The following NRXN3 variants were observed in gnomAD, a reference collection of about 807,000 sequenced individuals.
NRXN3 encodes the protein neurexin III.
A neutral mutation model predicts 137.6 loss-of-function variants in NRXN3; 32 were observed. That is an observed-to-expected ratio of 0.23 (90% CI 0.18 to 0.31). The LOEUF is 0.31. Among genes scored for constraint, NRXN3 ranks in the 10% least tolerant of loss-of-function variants. The pLI is 1.00. For missense variants in NRXN3, 1,574 were observed against 2,062.5 expected (o/e 0.76, Z 4.59); for synonymous variants, 798 against 784.5 (o/e 1.02, Z -0.29).
Position 78,377,629 on chromosome 14 carries a change from C to T in NRXN3, c.757+79769C>T, listed in dbSNP as rs76127329. 4.9e-3 allele frequency among the ~76,000 whole-genome samples: 746 copies of T among 152,250 alleles called. 4 individuals are homozygous for T. Among genetic ancestry groups the T allele is most frequent in the Admixed American group, 9.7e-3 (148 of 15,294 alleles). On this transcript the variant is annotated intron_variant, in intron 4 of 20. Coordinates refer to ENST00000335750, the MANE Select transcript of NRXN3 (RefSeq NM_001330195.2). Reference sequence around the variant, plus strand: ...CAAGATAATGTGGAAGCTGAAAGTCCAAGAGAGAGGTGTCAGAAGTTTGGT... The same window carrying T: ...CAAGATAATGTGGAAGCTGAAAGTCTAAGAGAGAGGTGTCAGAAGTTTGGT...
intron 10 of NRXN3, among the ~76,000 whole-genome samples, chr14:78,867,259 C>T: frequency 6.6e-6 from 1 of 152,100 alleles, no homozygotes; most frequent in East Asian, 1.9e-4. Flanking sequence ...GTCAGAAATA[C>T]CAGTATTGGA....
chr14:79,253,796 C>G (rs1164849341), intron 15 of NRXN3, among the ~76,000 whole-genome samples: 1 of 152,204 alleles, frequency 6.6e-6, no homozygotes, highest in Admixed American at 6.5e-5. Context: ...CCCCCACAAT[C>G]TAATCACCTC....
intron 15 of NRXN3, among the ~76,000 whole-genome samples, chr14:79,059,258 T>TTTTTTTCTTTTC (rs1555701672): frequency 0.056 from 1,924 of 34,588 alleles, 79 homozygotes; most frequent in African/African-American, 0.093. Context: ...TTCTTTTTTT[T>TTTTTTTCTTTTC]TTTTTTTTTT....
intron 8 of NRXN3, among the ~76,000 whole-genome samples, chr14:78,760,366 TACTA>T (rs2098688455): frequency 6.6e-6 from 1 of 150,916 alleles, no homozygotes; most frequent in African/African-American, 2.4e-5. Context: ...TAATACACCA[TACTA>T]TTTTAAGAGA....
intron 15 of NRXN3, among the ~76,000 whole-genome samples, chr14:79,170,120 T>C (rs766022): frequency 1.3e-5 from 2 of 152,124 alleles, no homozygotes; most frequent in African/African-American, 2.4e-5. Flanking sequence ...ATGTACTCCA[T>C]GCTCAACGTT....
At chr14:79,435,312 A>C (rs968840629) in intron 15 of NRXN3, among the ~76,000 whole-genome samples, 31 of 152,168 alleles carry the variant, frequency 2.0e-4, no homozygotes, top group African/African-American at 7.5e-4. Context: ...AAAAAAAAAA[A>C]AAGCCATTAC....
At chr14:79,404,406 G>A (rs759190972) in intron 15 of NRXN3, among the ~76,000 whole-genome samples, 1 of 152,186 alleles carries the variant, frequency 6.6e-6, no homozygotes, top group Non-Finnish European at 1.5e-5. Context: ...GACTAGGAAA[G>A]TGAGTCACAA....
chr14:78,193,761 CAA>C (rs375804646), intron 1 of NRXN3, among the ~76,000 whole-genome samples: 9,975 of 108,964 alleles, frequency 0.092, 340 homozygotes, highest in East Asian at 0.18. Flanking sequence ...AACTCTGTCT[CAA>C]AAAAAAAAAA....
chr14:78,865,447 CA>C (rs1226571215), intron 10 of NRXN3, among the ~76,000 whole-genome samples: 2 of 152,102 alleles, frequency 1.3e-5, no homozygotes, highest in African/African-American at 4.8e-5. Context: ...AACTGATGAA[CA>C]AAATGTGACA....
rs1008925649 is a variant in NRXN3 at position 78,211,000 on chromosome 14, T to C, written c.-703-31391T>C. ...TTCTCCCAGTGCCTCCAGCCTCTCA[T>C]CTGTTAAATGGGGTAATGATCATAC... On this transcript the variant is annotated intron_variant, in intron 1 of 20. Transcript: ENST00000335750. Among the ~76,000 whole-genome samples, 62 of 152,120 alleles carry C rather than the reference T, an allele frequency of 4.1e-4. 2 individuals are homozygous for C. Among genetic ancestry groups the C allele is most frequent in the Non-Finnish European group, 2.1e-4 (14 of 68,028 alleles).
chr14:79,063,831 T>G (rs1164304826), intron 15 of NRXN3, among the ~76,000 whole-genome samples: 4 of 152,140 alleles, frequency 2.6e-5, no homozygotes, highest in Admixed American at 2.0e-4. Flanking sequence ...TAAAATTGTT[T>G]AACATGTTGG....
intron 4 of NRXN3, among the ~76,000 whole-genome samples, chr14:78,590,581 A>C (rs1041795843): frequency 1.3e-5 from 2 of 152,216 alleles, no homozygotes; most frequent in African/African-American, 4.8e-5. Flanking sequence ...AAGCTTGCAT[A>C]GGTCTGAAAA....
intron 4 of NRXN3, among the ~76,000 whole-genome samples, chr14:78,628,067 A>G (rs989979457): frequency 1.3e-5 from 2 of 149,380 alleles, no homozygotes; most frequent in African/African-American, 4.9e-5. Context: ...AGCATTGCAG[A>G]GTTCTTTTTT....
intron 16 of NRXN3, among the ~76,000 whole-genome samples, chr14:79,609,659 A>G (rs1355864179): frequency 6.6e-6 from 1 of 152,198 alleles, no homozygotes; most frequent in Non-Finnish European, 1.5e-5. Flanking sequence ...TAAAATGTAC[A>G]ATTTTTCCTT....
At chr14:79,249,023 G>C (rs1397674927) in intron 15 of NRXN3, 1 of 152,178 alleles carries the variant, frequency 6.6e-6, no homozygotes, top group Non-Finnish European at 1.5e-5. Context: ...GTGGGAGACA[G>C]TTTTGTAGCA....
intron 16 of NRXN3, among the ~76,000 whole-genome samples, chr14:79,631,616 C>T (rs911178462): frequency 5.3e-5 from 8 of 152,238 alleles, no homozygotes; most frequent in Non-Finnish European, 8.8e-5. Context: ...GTTCCAAAGT[C>T]GCCAGTGAGT....
At chr14:79,408,792 C>T (rs1023499969) in intron 15 of NRXN3, among the ~76,000 whole-genome samples, 16 of 152,094 alleles carry the variant, frequency 1.1e-4, no homozygotes, top group Non-Finnish European at 2.1e-4. Flanking sequence ...CTCCTTACTC[C>T]TTTGTTCCGT....
chr14:79,313,898 A>C (rs1034989366), intron 15 of NRXN3, among the ~76,000 whole-genome samples: 1 of 133,360 alleles, frequency 7.5e-6, no homozygotes, highest in African/African-American at 2.9e-5. Context: ...CCCGTAGCTC[A>C]GAGTAATTTG....
chr14:78,477,703 T>C (rs2095404139), intron 4 of NRXN3, among the ~76,000 whole-genome samples: 1 of 152,200 alleles, frequency 6.6e-6, no homozygotes, highest in Admixed American at 6.5e-5. Context: ...ATGATAAAAA[T>C]GTTTGAATAT....
Sources: allele counts gnomAD v4.1 joint callset (sites outside exome capture counted in the v4.1 genomes callset), GRCh38; gene constraint gnomAD v4.1.1; transcripts MANE v1.5; gene names NCBI Gene and HGNC (gene_info 2026-07-23, HGNC 2026-07-21).